PPM1L: variants seen among roughly 807,000 people sequenced by gnomAD.
The protein encoded by PPM1L is protein phosphatase, Mg2+/Mn2+ dependent 1L, also known as protein phosphatase 1L.
A neutral mutation model predicts 31.4 loss-of-function variants in PPM1L; 13 were observed. That is an observed-to-expected ratio of 0.41 (90% CI 0.27 to 0.66). The LOEUF (loss-of-function observed/expected upper bound fraction) is 0.66, where lower values mean the gene tolerates loss of function less well. Among genes scored for constraint, PPM1L ranks in the 30% least tolerant of loss-of-function variants. The pLI is 0.29. For missense variants in PPM1L, 326 were observed against 453.7 expected (o/e 0.72, Z 2.56); for synonymous variants, 184 against 175.4 (o/e 1.05, Z -0.39).
chr3:161,046,225 A>G (rs1719062790), intron 2 of PPM1L, among the ~76,000 whole-genome samples: 1 of 152,056 alleles, frequency 6.6e-6, no homozygotes, highest in Non-Finnish European at 1.5e-5. Context: ...GAGAAGAAGC[A>G]AATAGACACA....
At chr3:160,873,732 A>C (rs1203176695) in intron 1 of PPM1L, among the ~76,000 whole-genome samples, 1 of 152,024 alleles carries the variant, frequency 6.6e-6, no homozygotes, top group Non-Finnish European at 1.5e-5. Context: ...ATTTTTGTAG[A>C]GAGAGGGTTT....
intron 1 of PPM1L, among the ~76,000 whole-genome samples, chr3:160,954,035 T>A (rs1029357439): frequency 4.6e-5 from 7 of 151,784 alleles, no homozygotes; most frequent in Non-Finnish European, 8.8e-5. Flanking sequence ...AAAAAATTAA[T>A]TTTTTTTTCT....
chr3:160,902,935 G>T (rs1713594402), intron 1 of PPM1L, among the ~76,000 whole-genome samples: 1 of 152,098 alleles, frequency 6.6e-6, no homozygotes, highest in African/African-American at 2.4e-5. Context: ...CATTTACTCT[G>T]AAAAGAAAGA....
chr3:160,916,527 C>T lies in PPM1L; in HGVS notation c.400-45209C>T, dbSNP rs561251910. Among the ~76,000 whole-genome samples, 6 of 152,072 alleles carry T rather than the reference C, an allele frequency of 3.9e-5. No homozygotes were observed. The East Asian group carries it at 9.7e-4, about 24-fold the overall frequency. The stretch of plus-strand genomic sequence containing the variant: ...TCATTTGAGGATAATAGAAAAATAT[C>T]GATAAAAATATTCTTTTTGTCATCT... On this transcript the variant is annotated intron_variant, in intron 1 of 3. Transcript: ENST00000498165.
intron 2 of PPM1L, among the ~76,000 whole-genome samples, chr3:161,005,264 A>G (rs146359556): frequency 1.3e-5 from 2 of 152,186 alleles, no homozygotes; most frequent in East Asian, 3.9e-4. Context: ...TGCACTGTGG[A>G]TCTTTCTAAT....
intron 1 of PPM1L, among the ~76,000 whole-genome samples, chr3:160,799,644 A>T (rs1052710373): frequency 2.6e-5 from 4 of 152,140 alleles, no homozygotes; most frequent in Non-Finnish European, 5.9e-5. Flanking sequence ...TATCTTTGAG[A>T]CATGCCTGCA....
At chr3:160,974,186 A>G (rs186250719) in intron 2 of PPM1L, among the ~76,000 whole-genome samples, 4,786 of 151,670 alleles carry the variant, frequency 0.032, 280 homozygotes, top group African/African-American at 0.11. Flanking sequence ...CTATGTCCCT[A>G]CAAAGGACAT....
chr3:160,766,381 G>A (rs1360081968), intron 1 of PPM1L, among the ~76,000 whole-genome samples: 1 of 152,136 alleles, frequency 6.6e-6, no homozygotes, highest in Non-Finnish European at 1.5e-5. Flanking sequence ...ATTAGATCAT[G>A]GGGGGACTAG....
At chr3:160,909,422 G>A (rs1713877050) in intron 1 of PPM1L, among the ~76,000 whole-genome samples, 1 of 152,160 alleles carries the variant, frequency 6.6e-6, no homozygotes. Flanking sequence ...GGCTCTGGAA[G>A]GAAGTTAACA....
intron 1 of PPM1L, among the ~76,000 whole-genome samples, chr3:160,814,526 CATATGTATGTATGTGTATATAT>C (rs1712910109): frequency 1.5e-4 from 15 of 98,246 alleles, no homozygotes; most frequent in African/African-American, 6.2e-4. Flanking sequence ...TATACACACA[CATATGTATGTATGTGTATATAT>C]ACACACACAC....
At chr3:161,019,202 T>C (rs1286036507) in intron 2 of PPM1L, among the ~76,000 whole-genome samples, 1 of 152,150 alleles carries the variant, frequency 6.6e-6, no homozygotes, top group Admixed American at 6.5e-5. Flanking sequence ...GTTGTTATTG[T>C]TTCTTGTTAG....
intron 1 of PPM1L, among the ~76,000 whole-genome samples, chr3:160,775,990 G>C (rs1249336396): frequency 6.6e-6 from 1 of 151,370 alleles, no homozygotes; most frequent in South Asian, 2.1e-4. Context: ...TAGGTAAGTT[G>C]CATGGCAGAA....
chr3:160,775,765 G>C (rs1256988848), intron 1 of PPM1L, among the ~76,000 whole-genome samples: 2 of 152,196 alleles, frequency 1.3e-5, no homozygotes, highest in Non-Finnish European at 2.9e-5. Context: ...GTTTTCAAAC[G>C]TAAGTGCAAG....
chr3:160,855,279 A>G (rs894707602), intron 1 of PPM1L, among the ~76,000 whole-genome samples: 1 of 152,228 alleles, frequency 6.6e-6, no homozygotes, highest in East Asian at 1.9e-4. Context: ...ACCCTTGAAG[A>G]AAACCTAGGA....
chr3:160,916,558 G>C (rs114787140), intron 1 of PPM1L, among the ~76,000 whole-genome samples: 1,684 of 152,114 alleles, frequency 0.011, 19 homozygotes, highest in Non-Finnish European at 0.016. Context: ...CATCTTCAAC[G>C]TGCATGATCT....
chr3:160,858,658 A>C (rs1367756598), intron 1 of PPM1L, among the ~76,000 whole-genome samples: 1 of 152,200 alleles, frequency 6.6e-6, no homozygotes, highest in Non-Finnish European at 1.5e-5. Flanking sequence ...TTTGAGTAAA[A>C]AATACAAGAG....
At position 160,872,443 on chromosome 3, in the gene PPM1L, A is replaced by G. The variant is rs114925002; in HGVS notation, c.400-89293A>G. On this transcript the variant is annotated intron_variant, in intron 1 of 3. Coordinates refer to ENST00000498165, the MANE Select transcript of PPM1L (RefSeq NM_139245.4). ...ATGCCCCATACTAGGAACTGGGGAT[A>G]TAGCAGTCAACAAGACAAACATGTC... 4.6e-3 allele frequency among the ~76,000 whole-genome samples: 703 copies of G among 152,330 alleles called. 7 individuals carry two copies. Among genetic ancestry groups the G allele is most frequent in the African/African-American group, 0.016 (646 of 41,570 alleles).
intron 2 of PPM1L, among the ~76,000 whole-genome samples, chr3:161,005,730 G>A (rs1490271159): frequency 6.6e-6 from 1 of 152,076 alleles, no homozygotes; most frequent in African/African-American, 2.4e-5. Flanking sequence ...CACAATATAA[G>A]TTTTCCACAA....
At chr3:160,958,066 C>G (rs565959012) in intron 1 of PPM1L, among the ~76,000 whole-genome samples, 1 of 152,244 alleles carries the variant, frequency 6.6e-6, no homozygotes, top group Non-Finnish European at 1.5e-5. Context: ...AGACCTTTGT[C>G]AGGTGCAGAA....
Sources: allele counts gnomAD v4.1 joint callset (sites outside exome capture counted in the v4.1 genomes callset), GRCh38; gene constraint gnomAD v4.1.1; transcripts MANE v1.5; gene names NCBI Gene and HGNC (gene_info 2026-07-23, HGNC 2026-07-21).